UTRN: variants seen among roughly 807,000 people sequenced by gnomAD.
UTRN encodes the protein utrophin.
In UTRN, 283 loss-of-function variants were observed where a neutral mutation model predicts 463.9. The ratio of observed to expected loss-of-function variants is 0.61; its 90% confidence interval spans 0.55 to 0.67. The LOEUF is 0.67. UTRN is among the 30% of genes least tolerant of loss of function. UTRN has a pLI of 0.00. For synonymous variants in UTRN, 1,442 were observed against 1,431.5 expected (o/e 1.01, Z -0.17); for missense variants, 3,922 against 4,084.3 (o/e 0.96, Z 1.08).
chr6:144,598,833 T>C (rs1348286266), intron 51 of UTRN, among the ~76,000 whole-genome samples: 1 of 152,162 alleles, frequency 6.6e-6, no homozygotes, highest in Non-Finnish European at 1.5e-5. Context: ...CGGCCTGAAC[T>C]AGTGTTTCAG....
intron 72 of UTRN, among the ~76,000 whole-genome samples, chr6:144,840,125 T>C (rs1347311023): frequency 6.6e-6 from 1 of 151,856 alleles, no homozygotes; most frequent in Non-Finnish European, 1.5e-5. Flanking sequence ...GAGGCGGAGG[T>C]TGCAGTGAGC....
intron 51 of UTRN, among the ~76,000 whole-genome samples, chr6:144,587,263 T>A (rs923755094): frequency 1.3e-5 from 2 of 152,144 alleles, no homozygotes; most frequent in Admixed American, 1.3e-4. Context: ...ATACTGTGTC[T>A]TCTGTGGTAT....
At chr6:144,778,399 C>A (rs977084919) in intron 60 of UTRN, among the ~76,000 whole-genome samples, 8 of 152,034 alleles carry the variant, frequency 5.3e-5, no homozygotes, top group African/African-American at 1.9e-4. Context: ...AATTATATAG[C>A]TCTTGTAGGG....
intron 54 of UTRN, among the ~76,000 whole-genome samples, chr6:144,746,868 T>G (rs549868693): frequency 6.6e-6 from 1 of 152,230 alleles, no homozygotes; most frequent in African/African-American, 2.4e-5. Flanking sequence ...TCAGTTCAGC[T>G]GCCAAGAGAT....
At chr6:144,296,594 T>G (rs1358843657) in intron 2 of UTRN, among the ~76,000 whole-genome samples, 1 of 152,248 alleles carries the variant, frequency 6.6e-6, no homozygotes, top group African/African-American at 2.4e-5. Context: ...AGCTGGCATT[T>G]GAACTCAGAT....
At chr6:144,591,910 T>C (rs1803114778) in intron 51 of UTRN, among the ~76,000 whole-genome samples, 2 of 152,190 alleles carry the variant, frequency 1.3e-5, no homozygotes, top group Non-Finnish European at 2.9e-5. Context: ...GGAACTTTTT[T>C]AGTTGAAAAC....
chr6:144,820,939 T>C lies in UTRN; in HGVS notation c.9415T>C (p.Ser3139Pro). 1 of 1,613,916 alleles carries C rather than the reference T, an allele frequency of 6.2e-7. No individual in the cohort carries two copies. The highest frequency in any genetic ancestry group is 8.5e-7 in the Non-Finnish European group (1 of 1,179,860). The stretch of plus-strand genomic sequence containing the variant: ...AAAGGTACTTAAGAACAAGTTCAGG[T>C]CGAAGAAGTACTTTGCCAAACACCC... ...FTKVLKNKFR[S>P]KKYFAKHPRL... Residue 3139 changes from serine (S) to proline (P), a missense_variant, in exon 66 of 75, where the codon TCG becomes CCG. Ser to Pro is a moderately conservative substitution (Grantham distance 74). Around this residue, in one of 3 missense-constraint regions of UTRN, gnomAD observed 1,309 missense variants for 1,452.6 expected, o/e 0.90. Coordinates refer to ENST00000367545, the MANE Select transcript of UTRN (RefSeq NM_007124.3).
At chr6:144,637,055 G>C (rs1327396702) in intron 51 of UTRN, among the ~76,000 whole-genome samples, 2 of 152,124 alleles carry the variant, frequency 1.3e-5, no homozygotes, top group African/African-American at 4.8e-5. Context: ...TGCAACCTCT[G>C]CTGCCTGGGC....
intron 51 of UTRN, among the ~76,000 whole-genome samples, chr6:144,587,893 G>A (rs1918751): frequency 0.081 from 12,276 of 152,118 alleles, 1,096 homozygotes; most frequent in East Asian, 0.53. Context: ...ATTCCCACTT[G>A]ATCATATGAG....
chr6:144,386,029 G>C (rs1482072717), intron 2 of UTRN, among the ~76,000 whole-genome samples: 2 of 152,116 alleles, frequency 1.3e-5, no homozygotes, highest in African/African-American at 4.8e-5. Context: ...ATTTTTAACA[G>C]TGACAAGAAG....
Position 144,524,877 on chromosome 6 carries a change from A to G in UTRN, c.5906+1689A>G, listed in dbSNP as rs185324570. 1.8e-3 allele frequency among the ~76,000 whole-genome samples: 280 copies of G among 152,184 alleles called. 1 individual carries two copies. Among genetic ancestry groups the G allele is most frequent in the African/African-American group, 6.5e-3 (271 of 41,536 alleles). On this transcript the variant is annotated intron_variant, in intron 41 of 74. Transcript: ENST00000367545. ...CTGAAGGTATGTTCCTTCTATGCCA[A>G]TTTTGCTGAGAATTTTAATCATAAA...
At position 144,827,629 on chromosome 6, in the gene UTRN, A is replaced by G; in HGVS notation, c.9552A>G (p.Gln3184=). Residue 3184 remains glutamine (Q), a synonymous_variant, in exon 68 of 75, where the codon CAA becomes CAG. Transcript: ENST00000367545. ...PEHYDPSQSP[Q]LFHDDTHSRI... The stretch of plus-strand genomic sequence containing the variant: ...TTTAAAGCCCCTCACAATCTCCTCA[A>G]CTGTTTCATGATGACACCCATTCAA... 6.2e-7 allele frequency: 1 copy of G among 1,613,552 alleles called. No individual in the cohort carries two copies. Among genetic ancestry groups the G allele is most frequent in the South Asian group, 1.1e-5 (1 of 91,052 alleles).
intron 52 of UTRN, among the ~76,000 whole-genome samples, chr6:144,696,377 T>C (rs1784008572): frequency 1.3e-5 from 2 of 152,188 alleles, no homozygotes; most frequent in African/African-American, 4.8e-5. Flanking sequence ...ATGTGACCAG[T>C]GCAACTGATA....
At chr6:144,764,035 A>G (rs1051971887) in intron 58 of UTRN, among the ~76,000 whole-genome samples, 3 of 152,198 alleles carry the variant, frequency 2.0e-5, no homozygotes, top group African/African-American at 7.2e-5. Flanking sequence ...ATAGAAGCAT[A>G]AGCAAAATGT....
chr6:144,733,890 T>G (rs1226072299), intron 54 of UTRN, among the ~76,000 whole-genome samples: 1 of 152,200 alleles, frequency 6.6e-6, no homozygotes, highest in Non-Finnish European at 1.5e-5. Flanking sequence ...TTTCAGATGT[T>G]AAAATTTTCT....
chr6:144,487,256 C>G (rs1214395291), intron 28 of UTRN, among the ~76,000 whole-genome samples: 1 of 152,128 alleles, frequency 6.6e-6, no homozygotes, highest in Non-Finnish European at 1.5e-5. Context: ...GCCTTGAACT[C>G]TTGGGCTCAA....
At chr6:144,304,690 T>C (rs2114541164) in intron 2 of UTRN, among the ~76,000 whole-genome samples, 1 of 152,282 alleles carries the variant, frequency 6.6e-6, no homozygotes, top group South Asian at 2.1e-4. Flanking sequence ...GTTTTCAATA[T>C]GGCTAAAGCA....
At chr6:144,346,895 T>G (rs1584376282) in intron 2 of UTRN, among the ~76,000 whole-genome samples, 1 of 152,042 alleles carries the variant, frequency 6.6e-6, no homozygotes, top group Admixed American at 6.5e-5. Context: ...TCTATCTATC[T>G]ATCTATCTAT....
intron 41 of UTRN, among the ~76,000 whole-genome samples, chr6:144,527,905 C>A (rs1232866525): frequency 1.3e-5 from 2 of 151,934 alleles, no homozygotes; most frequent in South Asian, 2.1e-4. Flanking sequence ...GTTTTGATTT[C>A]TTTAAGTTGG....
Sources: gnomAD v4.1 joint callset for allele counts (sites outside exome capture counted in the v4.1 genomes callset) on GRCh38, gnomAD v4.1.1 for gene constraint, gnomAD v4.1.1 regional missense constraint, MANE v1.5 for transcripts, NCBI Gene and HGNC (gene_info 2026-07-23, HGNC 2026-07-21) for gene names.